Variants in RBPJ observed in about 807,000 individuals in gnomAD.
RBPJ encodes the protein recombining binding protein suppressor of hairless.
Under a neutral mutation model 67.8 loss-of-function variants are expected in RBPJ, and 9 were observed. The ratio of observed to expected loss-of-function variants is 0.13; its 90% confidence interval spans 0.08 to 0.23. The LOEUF (loss-of-function observed/expected upper bound fraction) is 0.23. Among genes scored for constraint, RBPJ ranks in the 10% least tolerant of loss-of-function variants. The probability of loss-of-function intolerance (pLI) is 1.00; values close to 1 mark genes in which losing one functional copy is unlikely to be tolerated. For synonymous variants in RBPJ, 198 were observed against 203.3 expected (o/e 0.97, Z 0.22); for missense variants, 305 against 595.6 (o/e 0.51, Z 5.08).
At chr4:26,362,298 C>A in intron 1 of RBPJ, 1 of 327,258 alleles carries the variant, frequency 3.1e-6, no homozygotes, top group African/African-American at 2.1e-5. Flanking sequence ...ATTCCTCATT[C>A]ATATGAGGGT....
chr4:26,335,058 C>T (rs1002824847), intron 1 of RBPJ, among the ~76,000 whole-genome samples: 1 of 152,160 alleles, frequency 6.6e-6, no homozygotes. Flanking sequence ...ATCTGTGATA[C>T]CATCCTATAA....
chr4:26,283,699 TGCCATA>T (rs939591473), intron 1 of RBPJ, among the ~76,000 whole-genome samples: 1 of 148,684 alleles, frequency 6.7e-6, no homozygotes, highest in Non-Finnish European at 1.5e-5. Context: ...CAGGCTGGAG[TGCCATA>T]GCATGATCTC....
chr4:26,400,687 T>C lies in RBPJ; in HGVS notation c.60-5488T>C, dbSNP rs115479425. On this transcript the variant is annotated intron_variant, in intron 2 of 10. Transcript: ENST00000355476. Reference sequence around the variant, plus strand: ...AAAGAAGCTATTTGGCAAATTACTTTTACAGGACAACTATTGTTCATGATT... The same window carrying C: ...AAAGAAGCTATTTGGCAAATTACTTCTACAGGACAACTATTGTTCATGATT... 7.9e-3 allele frequency among the ~76,000 whole-genome samples: 1,203 copies of C among 152,348 alleles called. 16 individuals are homozygous for C. The highest frequency in any genetic ancestry group is 0.027 in the African/African-American group (1,132 of 41,584).
At chr4:26,175,248 G>T (rs1050082325) in intron 1 of RBPJ, among the ~76,000 whole-genome samples, 1 of 152,146 alleles carries the variant, frequency 6.6e-6, no homozygotes, top group African/African-American at 2.4e-5. Context: ...CCTGGAATTC[G>T]GATGCTCAGA....
intron 1 of RBPJ, among the ~76,000 whole-genome samples, chr4:26,294,814 T>G (rs1262376328): frequency 6.6e-6 from 1 of 151,088 alleles, no homozygotes; most frequent in Non-Finnish European, 1.5e-5. Context: ...AGGTGAAGGT[T>G]GCAGTGAGCT....
Position 26,424,951 on chromosome 4 carries a change from G to A in RBPJ, c.747+208G>A. ...TTAAGGTAATAGCCAGTTTTTACAA[G>A]TACATTCTTAATGATTTTTTCTTAA... is the stretch of plus-strand genomic sequence containing the variant. On this transcript the variant is annotated intron_variant, in intron 7 of 10. Coordinates refer to ENST00000355476, the MANE Select transcript of RBPJ (RefSeq NM_015874.6). The surrounding 1 kb of genome is among the most constrained non-coding windows in gnomAD (Gnocchi z 5.3). 1 of 450,294 alleles carries A rather than the reference G, an allele frequency of 2.2e-6. No individual in the cohort carries two copies. The highest frequency in any genetic ancestry group is 3.9e-6 in the Non-Finnish European group (1 of 257,734). The allele number at this position is 450,294 out of a possible 1,614,324, so 27.9% of individuals were successfully genotyped here. A position where few individuals can be genotyped will look rare whatever the true frequency, so the allele number is the denominator to read the frequency against.
At chr4:26,295,220 G>A (rs754075434) in intron 1 of RBPJ, among the ~76,000 whole-genome samples, 5 of 151,400 alleles carry the variant, frequency 3.3e-5, no homozygotes, top group Non-Finnish European at 5.9e-5. Flanking sequence ...GTATATGGCC[G>A]TTGTCCAGGA....
Position 26,430,951 on chromosome 4 carries a change from A to G in RBPJ, c.1408A>G (p.Asn470Asp), listed in dbSNP as rs778455526. 6.2e-7 allele frequency: 1 copy of G among 1,613,972 alleles called. No individual in the cohort carries two copies. The highest frequency in any genetic ancestry group is 1.3e-5 in the African/African-American group (1 of 74,908). ...CACAAACAGCGAGGGAAGTTACACA[A>G]ACGCCAGCACAAATTCAACCAGTGT... ...SNTNSEGSYT[N>D]ASTNSTSVTS... is the part of the protein sequence containing the mutation. Residue 470 changes from asparagine to aspartate, a missense_variant, in exon 11 of 11, where the codon AAC becomes GAC. Asn to Asp is a conservative substitution (Grantham distance 23). Transcript: ENST00000355476. This position sits in a 1 kb window ranked among gnomAD's most constrained non-coding sequence, Gnocchi z 4.1.
chr4:26,428,494 C>A, intron 7 of RBPJ: 2 of 396,442 alleles, frequency 5.0e-6, no homozygotes, highest in Non-Finnish European at 8.9e-6. Context: ...TTTAGATGTT[C>A]AGGGAAGAGG....
intron 1 of RBPJ, among the ~76,000 whole-genome samples, chr4:26,286,339 C>T (rs1221617853): frequency 2.0e-4 from 31 of 151,690 alleles, no homozygotes; most frequent in Admixed American, 2.0e-3. Flanking sequence ...TAGCCAGATG[C>T]GTGGTGGTGA....
intron 1 of RBPJ, among the ~76,000 whole-genome samples, chr4:26,360,145 T>G (rs1727884024): frequency 1.3e-5 from 2 of 152,236 alleles, no homozygotes; most frequent in South Asian, 4.1e-4. Context: ...GTAAATACAA[T>G]TCTCAAAATA....
At chr4:26,349,429 C>CT (rs1379487986) in intron 1 of RBPJ, among the ~76,000 whole-genome samples, 1 of 152,076 alleles carries the variant, frequency 6.6e-6, no homozygotes, top group Non-Finnish European at 1.5e-5. Flanking sequence ...TTCTTTTTAT[C>CT]TTTTTTATTT....
chr4:26,249,220 G>A (rs1720018858), intron 1 of RBPJ, among the ~76,000 whole-genome samples: 1 of 152,100 alleles, frequency 6.6e-6, no homozygotes. Flanking sequence ...GCATTTTATT[G>A]AATTATAACG....
chr4:26,204,412 T>C (rs938086058), intron 1 of RBPJ, among the ~76,000 whole-genome samples: 2 of 152,122 alleles, frequency 1.3e-5, no homozygotes, highest in Non-Finnish European at 2.9e-5. Context: ...CTGTCAGAGT[T>C]CAGGAAATGA....
upstream of RBPJ, among the ~76,000 whole-genome samples, chr4:26,159,640 T>C (rs1716041006): frequency 6.6e-6 from 1 of 152,216 alleles, no homozygotes; most frequent in African/African-American, 2.4e-5. Context: ...TTCAGCGTGT[T>C]TATAGTACCT....
intron 1 of RBPJ, among the ~76,000 whole-genome samples, chr4:26,289,510 G>T (rs1721597733): frequency 1.3e-5 from 2 of 150,410 alleles, no homozygotes; most frequent in Admixed American, 6.6e-5. Flanking sequence ...GAGGTGAAAA[G>T]AGAAGCGTGA....
chr4:26,210,531 T>C (rs1014130233), intron 1 of RBPJ, among the ~76,000 whole-genome samples: 39 of 152,296 alleles, frequency 2.6e-4, no homozygotes, highest in African/African-American at 9.1e-4. Flanking sequence ...TTAATCATTT[T>C]TCAAAAGGAA....
intron 1 of RBPJ, among the ~76,000 whole-genome samples, chr4:26,382,368 A>G (rs1293537575): frequency 6.6e-6 from 1 of 152,230 alleles, no homozygotes; most frequent in African/African-American, 2.4e-5. Flanking sequence ...TAAATACCAC[A>G]TTATGAATTT....
intron 1 of RBPJ, among the ~76,000 whole-genome samples, chr4:26,299,617 C>G (rs1318694255): frequency 6.7e-6 from 1 of 148,326 alleles, no homozygotes; most frequent in Non-Finnish European, 1.5e-5. Flanking sequence ...ATAGGAATTG[C>G]TTTATCCTGG....
Sources: allele counts gnomAD v4.1 joint callset (sites outside exome capture counted in the v4.1 genomes callset), GRCh38; gene constraint gnomAD v4.1.1; non-coding constraint Gnocchi (gnomAD v3.1); transcripts MANE v1.5; gene names NCBI Gene and HGNC (gene_info 2026-07-23, HGNC 2026-07-21).